PRKCH: variants seen among roughly 807,000 people sequenced by gnomAD.
PRKCH encodes protein kinase C eta.
A neutral mutation model predicts 82.5 loss-of-function variants in PRKCH; 28 were observed. The ratio of observed to expected loss-of-function variants is 0.34; its 90% confidence interval spans 0.25 to 0.47. The LOEUF (loss-of-function observed/expected upper bound fraction) is 0.47. PRKCH is among the 20% of genes least tolerant of loss of function. PRKCH has a pLI of 1.00. For missense variants in PRKCH, 705 were observed against 881.8 expected, an observed-to-expected ratio of 0.80 and a Z score of 2.54; for synonymous variants, 322 against 327.4, an observed-to-expected ratio of 0.98 and a Z score of 0.18.
intron 9 of PRKCH, among the ~76,000 whole-genome samples, chr14:61,475,705 T>C (rs1441545856): frequency 6.6e-6 from 1 of 152,244 alleles, no homozygotes; most frequent in Non-Finnish European, 1.5e-5. Flanking sequence ...CAGGAAATAA[T>C]ATGCAATATA....
chr14:61,382,194 G>T (rs1290531162), intron 1 of PRKCH, among the ~76,000 whole-genome samples: 1 of 152,200 alleles, frequency 6.6e-6, no homozygotes, highest in East Asian at 1.9e-4. Context: ...ACTTTGGGAG[G>T]CTGAGGCAGG....
rs55977918 is a variant in PRKCH at position 61,405,380 on chromosome 14, C to CTTT, written c.427+14104_427+14106dup. On this transcript the variant is annotated intron_variant, in intron 2 of 13. Coordinates refer to ENST00000332981, the MANE Select transcript of PRKCH (RefSeq NM_006255.5). ...TTAGGCGCAGCTGGAATCTTCTGCT[C>CTTT]TTTTTTTTTTTTTTGAGACGGAGTC... 2.4e-4 allele frequency among the ~76,000 whole-genome samples: 35 copies of CTTT among 145,414 alleles called. 1 individual carries two copies. Among genetic ancestry groups the CTTT allele is most frequent in the East Asian group, 8.1e-4 (4 of 4,952 alleles).
At chr14:61,283,458 T>G (rs531111112) in intron 1 of PRKCH, among the ~76,000 whole-genome samples, 1 of 152,164 alleles carries the variant, frequency 6.6e-6, no homozygotes, top group Non-Finnish European at 1.5e-5. Flanking sequence ...GGGTGGTTTG[T>G]GTGGCAGGAA....
chr14:61,336,008 C>T (rs2045852803), intron 1 of PRKCH, among the ~76,000 whole-genome samples: 1 of 152,152 alleles, frequency 6.6e-6, no homozygotes, highest in African/African-American at 2.4e-5. Flanking sequence ...TTCTCTCATC[C>T]ACAACACAGT....
intron 1 of PRKCH, among the ~76,000 whole-genome samples, chr14:61,355,806 C>T (rs17098254): frequency 0.021 from 3,258 of 152,198 alleles, 108 homozygotes; most frequent in African/African-American, 0.075. Flanking sequence ...CTTACACATT[C>T]TAGCCAGTCT....
chr14:61,258,511 C>G (rs932656136), intron 1 of PRKCH, among the ~76,000 whole-genome samples: 5 of 152,122 alleles, frequency 3.3e-5, no homozygotes, highest in African/African-American at 1.2e-4. Flanking sequence ...GTTCCTGGGT[C>G]TAAGTTGGCA....
intron 11 of PRKCH, 32 bp downstream of exon 11, chr14:61,529,245 T>A: frequency 1.3e-6 from 2 of 1,582,178 alleles, no homozygotes; most frequent in Non-Finnish European, 1.7e-6. Context: ...AGCTCTGAAA[T>A]CTGAGCTCTC....
intron 12 of PRKCH, among the ~76,000 whole-genome samples, chr14:61,536,777 A>G (rs1461178327): frequency 1.3e-5 from 2 of 152,070 alleles, no homozygotes; most frequent in Non-Finnish European, 2.9e-5. Context: ...GTGACTGGCA[A>G]GGCAGGCTCC....
At position 61,549,977 on chromosome 14, in the gene PRKCH, A is replaced by G. The variant is rs1275773267; in HGVS notation, c.*146A>G. On this transcript the variant is annotated 3_prime_UTR_variant, in exon 14 of 14. Coordinates refer to ENST00000332981, the MANE Select transcript of PRKCH (RefSeq NM_006255.5). ...AAGTGAAGAACTCTGTGAAGGATGG[A>G]ACTTTCAGATATCAACTATTTAGAG... is the stretch of plus-strand genomic sequence containing the variant. The G allele has an allele frequency of 2.4e-6, 2 of 819,186 alleles. No individual in the cohort carries two copies. The highest frequency in any genetic ancestry group is 3.7e-6 in the Non-Finnish European group (2 of 535,034). The allele number at this position is 819,186 out of a possible 1,614,324, so 50.7% of individuals were successfully genotyped here.
intron 2 of PRKCH, among the ~76,000 whole-genome samples, chr14:61,423,300 T>A (rs896103800): frequency 2.0e-5 from 3 of 152,308 alleles, no homozygotes; most frequent in Admixed American, 6.5e-5. Flanking sequence ...TGGACACTCA[T>A]TACGACAGAC....
chr14:61,244,492 T>C (rs1182922462), intron 1 of PRKCH, among the ~76,000 whole-genome samples: 2 of 152,250 alleles, frequency 1.3e-5, no homozygotes, highest in African/African-American at 4.8e-5. Context: ...GAAATCACTG[T>C]ATCAGAAGTA....
intron 1 of PRKCH, among the ~76,000 whole-genome samples, chr14:61,368,783 A>G (rs1405924723): frequency 1.3e-5 from 2 of 152,142 alleles, no homozygotes; most frequent in Non-Finnish European, 2.9e-5. Flanking sequence ...CCCTTCTAAA[A>G]TCATTTAAAA....
chr14:61,339,693 TGCACTCCA>T (rs1156558661), intron 1 of PRKCH, among the ~76,000 whole-genome samples: 6 of 130,900 alleles, frequency 4.6e-5, no homozygotes, highest in African/African-American at 1.7e-4. Context: ...ACCACTGTAC[TGCACTCCA>T]GCCTGGGTCT....
chr14:61,244,800 C>T (rs1333516423), intron 1 of PRKCH, among the ~76,000 whole-genome samples: 1 of 152,188 alleles, frequency 6.6e-6, no homozygotes, highest in African/African-American at 2.4e-5. Context: ...TATTATGCCT[C>T]ACACTTTATA....
At chr14:61,200,529 A>C (rs2044472896) in intron 1 of PRKCH, among the ~76,000 whole-genome samples, 1 of 152,182 alleles carries the variant, frequency 6.6e-6, no homozygotes, top group Non-Finnish European at 1.5e-5. Flanking sequence ...ACAGGATTCT[A>C]TCTCTTTCCA....
chr14:61,339,387 A>C (rs984016732), intron 1 of PRKCH, among the ~76,000 whole-genome samples: 3 of 149,398 alleles, frequency 2.0e-5, no homozygotes, highest in Non-Finnish European at 4.4e-5. Flanking sequence ...GCAGTGGCGC[A>C]ATCTCAGCTC....
chr14:61,378,558 G>C (rs1030056804), intron 1 of PRKCH, among the ~76,000 whole-genome samples: 40 of 152,110 alleles, frequency 2.6e-4, no homozygotes, highest in Non-Finnish European at 5.1e-4. Context: ...GACCGCATTG[G>C]GTTGTAATTT....
At chr14:61,477,020 C>T (rs1313776905) in intron 9 of PRKCH, 1 of 152,200 alleles carries the variant, frequency 6.6e-6, no homozygotes, top group Non-Finnish European at 1.5e-5. Flanking sequence ...ACCTCTTTGA[C>T]GTCAGTAACT....
At chr14:61,435,519 A>G (rs564700410) in intron 2 of PRKCH, among the ~76,000 whole-genome samples, 48 of 152,274 alleles carry the variant, frequency 3.2e-4, no homozygotes, top group African/African-American at 1.1e-3. Flanking sequence ...GATGCTGACA[A>G]GCTACTTAGA....
Sources: gnomAD v4.1 joint callset for allele counts (sites outside exome capture counted in the v4.1 genomes callset) on GRCh38, gnomAD v4.1.1 for gene constraint, MANE v1.5 for transcripts, NCBI Gene and HGNC (gene_info 2026-07-23, HGNC 2026-07-21) for gene names.